NCOA2: variants seen among roughly 807,000 people sequenced by gnomAD.
NCOA2 encodes class E basic helix-loop-helix protein 75.
A neutral mutation model predicts 145.1 loss-of-function variants in NCOA2; 21 were observed. That is an observed-to-expected ratio of 0.14 (90% CI 0.10 to 0.21). NCOA2 has a LOEUF of 0.21. Among genes scored for constraint, NCOA2 ranks in the 10% least tolerant of loss-of-function variants. The probability of loss-of-function intolerance (pLI) is 1.00; values close to 1 mark genes in which losing one functional copy is unlikely to be tolerated. For synonymous variants in NCOA2, 619 were observed against 637.5 expected, an observed-to-expected ratio of 0.97 and a Z score of 0.44; for missense variants, 1,472 against 1,837.6, an observed-to-expected ratio of 0.80 and a Z score of 3.64.
At chr8:70,447,489 G>C in the NCOA2 span, among the ~76,000 whole-genome samples, 2 of 152,020 alleles carry the variant, frequency 1.3e-5, no homozygotes, top group Non-Finnish European at 2.9e-5. Flanking sequence ...CAGTCTGTTC[G>C]CCATCCAAGA....
intron 2 of NCOA2, among the ~76,000 whole-genome samples, chr8:70,231,847 C>G (rs1441111611): frequency 6.6e-6 from 1 of 152,162 alleles, no homozygotes; most frequent in Non-Finnish European, 1.5e-5. Context: ...ACGCCTCTAT[C>G]TATCTTCCTA....
At position 70,387,482 on chromosome 8, in the gene NCOA2, C is replaced by T. The variant is rs549559354; in HGVS notation, c.-77+16218G>A. Among the ~76,000 whole-genome samples the T allele has an allele frequency of 8.3e-4, 127 of 152,286 alleles. 1 individual carries two copies. Among genetic ancestry groups the T allele is most frequent in the African/African-American group, 3.0e-3 (123 of 41,554 alleles). ...TCAGAAATAATAAATCCTCTTTCCT[C>T]TCTTATTTTAAAGGAAAGGACAGTA... On this transcript the variant is annotated intron_variant, in intron 1 of 22. Transcript: ENST00000452400.
chr8:70,451,231 A>AT, the NCOA2 span, among the ~76,000 whole-genome samples: 8 of 99,176 alleles, frequency 8.1e-5, no homozygotes, highest in East Asian at 3.0e-4. Context: ...AAAAAAAAAA[A>AT]AAAAAAATAT....
chr8:70,269,849 G>T (rs1425230915), intron 2 of NCOA2, among the ~76,000 whole-genome samples: 1 of 152,066 alleles, frequency 6.6e-6, no homozygotes, highest in East Asian at 1.9e-4. Context: ...GATACTTTAG[G>T]TTATCAGAGA....
intron 9 of NCOA2, among the ~76,000 whole-genome samples, chr8:70,162,146 G>A (rs1175092960): frequency 6.6e-6 from 1 of 152,172 alleles, no homozygotes; most frequent in African/African-American, 2.4e-5. Flanking sequence ...AAGGGATAAT[G>A]CCACACAAAG....
At chr8:70,246,698 C>T (rs926805791) in intron 2 of NCOA2, among the ~76,000 whole-genome samples, 6 of 152,062 alleles carry the variant, frequency 3.9e-5, no homozygotes, top group South Asian at 2.1e-4. Context: ...AAACTCTACA[C>T]CCATTTAACA....
At chr8:70,262,077 CA>C (rs1186187128) in intron 2 of NCOA2, among the ~76,000 whole-genome samples, 2 of 151,990 alleles carry the variant, frequency 1.3e-5, no homozygotes, top group African/African-American at 2.4e-5. Flanking sequence ...AATTAGCAAG[CA>C]CCTCACACTC....
rs555275415 is a variant in NCOA2 at position 70,360,304 on chromosome 8, A to C, written c.-77+43396T>G. On this transcript the variant is annotated intron_variant, in intron 1 of 22. Coordinates refer to ENST00000452400, the MANE Select transcript of NCOA2 (RefSeq NM_006540.4). ...GCTAGTCATTATCTGAGAATTTAGC[A>C]CATATTTTTCTGGTACATTTTAATG... Among the ~76,000 whole-genome samples, 3 of 152,340 alleles carry C rather than the reference A, an allele frequency of 2.0e-5. No homozygotes were observed. The South Asian group carries it at 6.2e-4, about 32-fold the overall frequency.
intron 1 of NCOA2, among the ~76,000 whole-genome samples, chr8:70,297,943 G>A (rs1827209813): frequency 6.6e-6 from 1 of 152,048 alleles, no homozygotes; most frequent in African/African-American, 2.4e-5. Context: ...TATATTTTAT[G>A]GACTCAAGAA....
intron 15 of NCOA2, among the ~76,000 whole-genome samples, chr8:70,135,942 T>A (rs2131672974): frequency 6.6e-6 from 1 of 152,300 alleles, no homozygotes; most frequent in South Asian, 2.1e-4. Context: ...TGAGAAACCA[T>A]AACATTACCA....
At chr8:70,439,171 G>T in the NCOA2 span, among the ~76,000 whole-genome samples, 1 of 152,132 alleles carries the variant, frequency 6.6e-6, no homozygotes, top group African/African-American at 2.4e-5. Flanking sequence ...TCCTAAGTTT[G>T]TATGTCTCTT....
At chr8:70,445,109 T>C in the NCOA2 span, among the ~76,000 whole-genome samples, 4 of 152,192 alleles carry the variant, frequency 2.6e-5, no homozygotes, top group Non-Finnish European at 5.9e-5. Flanking sequence ...TTACCACACT[T>C]TTTTTCTTGC....
intron 2 of NCOA2, among the ~76,000 whole-genome samples, chr8:70,275,304 T>C (rs1344616293): frequency 1.3e-5 from 2 of 152,176 alleles, no homozygotes; most frequent in South Asian, 2.1e-4. Flanking sequence ...TGAGAAATCA[T>C]CTAAGAGTAG....
chr8:70,159,687 G>GAAAAA, intron 9 of NCOA2, 35 bp from the exon 10 acceptor site: 1 of 1,557,016 alleles, frequency 6.4e-7, no homozygotes, highest in Non-Finnish European at 8.7e-7. Flanking sequence ...GGCACGTTTA[G>GAAAAA]AAAAAAAAAT....
intron 11 of NCOA2, among the ~76,000 whole-genome samples, chr8:70,153,298 G>C (rs1255792451): frequency 6.6e-6 from 1 of 152,188 alleles, no homozygotes; most frequent in Non-Finnish European, 1.5e-5. Flanking sequence ...CAAAAAAACA[G>C]ATCTGTGCTG....
At chr8:70,147,125 CGCGTGTGTGT>C (rs1811174202) in intron 12 of NCOA2, among the ~76,000 whole-genome samples, 1 of 145,324 alleles carries the variant, frequency 6.9e-6, no homozygotes, top group East Asian at 2.0e-4. Context: ...CGCGCGCGCG[CGCGTGTGTGT>C]GTGTGTGTGT....
intron 1 of NCOA2, chr8:70,401,730 G>A (rs1014347283): frequency 1.3e-5 from 2 of 152,078 alleles, no homozygotes; most frequent in Non-Finnish European, 2.9e-5. Context: ...AAATTTCATT[G>A]TCCCCATTCT....
At chr8:70,411,294 A>G in the NCOA2 span, among the ~76,000 whole-genome samples, 5 of 152,196 alleles carry the variant, frequency 3.3e-5, no homozygotes, top group East Asian at 7.7e-4. Flanking sequence ...ATAAAAGGGG[A>G]AAAAATGGCA....
intron 2 of NCOA2, chr8:70,273,935 ATTT>A (rs1825266635): frequency 2.5e-6 from 1 of 393,122 alleles, no homozygotes; most frequent in South Asian, 2.0e-5. Flanking sequence ...TTTTTAAGAA[ATTT>A]TTGTTTATGG....
Sources: allele counts gnomAD v4.1 joint callset (sites outside exome capture counted in the v4.1 genomes callset), GRCh38; gene constraint gnomAD v4.1.1; transcripts MANE v1.5; gene names NCBI Gene and HGNC (gene_info 2026-07-23, HGNC 2026-07-21).